SELENOF: variants seen among roughly 807,000 people sequenced by gnomAD.
SELENOF encodes 15 kDa selenoprotein.
SELENOF carries 16 observed loss-of-function variants against 20.5 expected under a neutral mutation model. The ratio of observed to expected loss-of-function variants is 0.78; its 90% confidence interval spans 0.53 to 1.19. The LOEUF (loss-of-function observed/expected upper bound fraction) is 1.19. SELENOF is among the 50% of genes most tolerant of loss of function. SELENOF has a pLI of 0.00. For synonymous variants in SELENOF, 78 were observed against 74.5 expected, an observed-to-expected ratio of 1.05 and a Z score of -0.24; for missense variants, 215 against 194.2, an observed-to-expected ratio of 1.11 and a Z score of -0.64.
intron 4 of SELENOF, among the ~76,000 whole-genome samples, chr1:86,866,095 G>A (rs1249106536): frequency 6.6e-6 from 1 of 151,440 alleles, no homozygotes; most frequent in African/African-American, 2.4e-5. Flanking sequence ...ATCTTGGGAG[G>A]CTGAGGTGGC....
chr1:86,866,064 G>A (rs1570368799), intron 4 of SELENOF, among the ~76,000 whole-genome samples: 1 of 151,916 alleles, frequency 6.6e-6, no homozygotes, highest in African/African-American at 2.4e-5. Flanking sequence ...GGTCATGTTG[G>A]TGTGTACCTG....
rs377442359 is a variant in SELENOF at position 86,868,389 on chromosome 1, T to C, written c.317-287A>G. ...CAATTTTAAGAGTAATGTGTAAGAA[T>C]AGTCAGGGCAGTTTTTAAAAAGATA... On this transcript the variant is annotated intron_variant, in intron 3 of 4. Coordinates refer to ENST00000331835, the MANE Select transcript of SELENOF (RefSeq NM_004261.5). Among the ~76,000 whole-genome samples the C allele has an allele frequency of 6.7e-4, 102 of 152,320 alleles. No homozygotes were observed. The South Asian group carries it at 0.011, about 17-fold the overall frequency.
intron 2 of SELENOF, among the ~76,000 whole-genome samples, chr1:86,885,797 C>T (rs1174863151): frequency 6.6e-6 from 1 of 152,164 alleles, no homozygotes; most frequent in Non-Finnish European, 1.5e-5. Flanking sequence ...AAGCAGTATG[C>T]CCCCTTGGGT....
chr1:86,913,927 G>A (rs530451237), intron 1 of SELENOF, 101 bp downstream of exon 1: 1 of 1,121,812 alleles, frequency 8.9e-7, no homozygotes, highest in Non-Finnish European at 1.4e-6. Context: ...AGGAAGCGCA[G>A]TCCTCCCCAC....
At chr1:86,880,139 CTTT>C (rs201093710) in intron 3 of SELENOF, among the ~76,000 whole-genome samples, 1 of 143,432 alleles carries the variant, frequency 7.0e-6, no homozygotes, top group Non-Finnish European at 1.5e-5. Context: ...ATCTGAATTT[CTTT>C]TTTTTTTTTT....
At chr1:86,900,611 G>C (rs1249908349) in intron 2 of SELENOF, among the ~76,000 whole-genome samples, 2 of 151,854 alleles carry the variant, frequency 1.3e-5, no homozygotes, top group African/African-American at 2.4e-5. Context: ...TGGGGAGAGG[G>C]AGACCGTGGG....
intron 2 of SELENOF, among the ~76,000 whole-genome samples, chr1:86,900,768 G>A (rs917875739): frequency 1.3e-5 from 2 of 152,158 alleles, no homozygotes. Context: ...TCGATCTCCT[G>A]ACCTTGTGAT....
intron 4 of SELENOF, among the ~76,000 whole-genome samples, chr1:86,867,336 C>CA (rs1318654421): frequency 6.6e-6 from 1 of 151,878 alleles, no homozygotes; most frequent in Non-Finnish European, 1.5e-5. Flanking sequence ...ACTAAAAATA[C>CA]AAAAAAACTA....
chr1:86,880,977 G>A (rs963949570), intron 2 of SELENOF, among the ~76,000 whole-genome samples: 7 of 152,110 alleles, frequency 4.6e-5, no homozygotes, highest in Admixed American at 6.5e-5. Context: ...CAAAAAGACC[G>A]AAGGAGATAA....
At chr1:86,904,107 T>C (rs1382108431) in intron 1 of SELENOF, among the ~76,000 whole-genome samples, 1 of 152,218 alleles carries the variant, frequency 6.6e-6, no homozygotes, top group Non-Finnish European at 1.5e-5. Flanking sequence ...TTGTTTCATT[T>C]TAAGAACTCA....
At chr1:86,907,892 A>G (rs1659871362) in intron 1 of SELENOF, among the ~76,000 whole-genome samples, 1 of 151,740 alleles carries the variant, frequency 6.6e-6, no homozygotes, top group African/African-American at 2.4e-5. Flanking sequence ...AGGCTGAGGC[A>G]GGAGAATCGC....
intron 2 of SELENOF, among the ~76,000 whole-genome samples, chr1:86,882,604 C>CA (rs1659106068): frequency 6.6e-6 from 1 of 151,614 alleles, no homozygotes; most frequent in African/African-American, 2.4e-5. Context: ...TGCAGTTTTG[C>CA]AAAAAATTAA....
At chr1:86,904,815 T>C (rs1178226023) in intron 1 of SELENOF, among the ~76,000 whole-genome samples, 1 of 152,236 alleles carries the variant, frequency 6.6e-6, no homozygotes, top group African/African-American at 2.4e-5. Flanking sequence ...CCTCCTTTAC[T>C]TTTCTCTTCT....
chr1:86,897,084 T>A lies in SELENOF; in HGVS notation c.252+6197A>T, dbSNP rs543696684. ...ACTTTGGGAGGCCGAGTTGGGTGGA[T>A]CACCTGAGGTCAGGAGTTTGAGACC... On this transcript the variant is annotated intron_variant, in intron 2 of 4. Transcript: ENST00000331835. Among the ~76,000 whole-genome samples the A allele has an allele frequency of 2.6e-5, 4 of 152,150 alleles. No homozygotes were observed. In the East Asian group the frequency reaches 7.7e-4, roughly 29 times the overall value.
chr1:86,913,548 A>G (rs1660045481), intron 1 of SELENOF, among the ~76,000 whole-genome samples: 1 of 152,230 alleles, frequency 6.6e-6, no homozygotes, highest in African/African-American at 2.4e-5. Context: ...ATAGCAGAGG[A>G]GAACGGAAGT....
Position 86,884,743 on chromosome 1 carries a change from C to A in SELENOF, c.253-4018G>T, listed in dbSNP as rs1431566244. Among the ~76,000 whole-genome samples, 4 of 152,104 alleles carry A rather than the reference C, an allele frequency of 2.6e-5. No individual in the cohort carries two copies. In the East Asian group the frequency reaches 5.8e-4, roughly 22 times the overall value. The stretch of plus-strand genomic sequence containing the variant: ...CAAGAGAAAAATCAAAGAAGAAAGT[C>A]ATATAACTTCTAACAGCAAGTTGGT... On this transcript the variant is annotated intron_variant, in intron 2 of 4. Transcript: ENST00000331835.
intron 2 of SELENOF, among the ~76,000 whole-genome samples, chr1:86,883,307 T>C (rs1484436661): frequency 6.6e-6 from 1 of 152,128 alleles, no homozygotes; most frequent in African/African-American, 2.4e-5. Context: ...TAGGGAGTTA[T>C]TGTTTCATGG....
chr1:86,874,913 T>C (rs1379052928), intron 3 of SELENOF, among the ~76,000 whole-genome samples: 4 of 152,156 alleles, frequency 2.6e-5, no homozygotes, highest in Non-Finnish European at 4.4e-5. Context: ...CAACAAAAGC[T>C]ATTCAGTAAT....
chr1:86,871,146 T>C (rs958547101), intron 3 of SELENOF, among the ~76,000 whole-genome samples: 3 of 152,178 alleles, frequency 2.0e-5, no homozygotes, highest in Non-Finnish European at 4.4e-5. Flanking sequence ...GAGTACTCAT[T>C]ATATACACAT....
Sources: allele counts gnomAD v4.1 joint callset (sites outside exome capture counted in the v4.1 genomes callset), GRCh38; gene constraint gnomAD v4.1.1; transcripts MANE v1.5; gene names NCBI Gene and HGNC (gene_info 2026-07-23, HGNC 2026-07-21).